The following ZNF518A variants were observed in gnomAD, a reference collection of about 807,000 sequenced individuals.
The protein encoded by ZNF518A is zinc finger protein 518.
In ZNF518A, 47 loss-of-function variants were observed where a neutral mutation model predicts 102.7. The ratio of observed to expected loss-of-function variants is 0.46; its 90% CI spans 0.36 to 0.58. ZNF518A has a LOEUF of 0.58. Among genes scored for constraint, ZNF518A ranks in the 20% least tolerant of loss-of-function variants. ZNF518A has a pLI of 0.00. For missense variants in ZNF518A, 1,793 were observed against 1,699.8 expected (o/e 1.05, Z -0.96); for synonymous variants, 652 against 594.6 (o/e 1.10, Z -1.40).
At chr10:96,181,163 A>T (rs1392115782) in intron 1 of ZNF518A, among the ~76,000 whole-genome samples, 1 of 152,164 alleles carries the variant, frequency 6.6e-6, no homozygotes, top group Non-Finnish European at 1.5e-5. Context: ...GTGTCTATTC[A>T]TGTCCTTCAC....
At chr10:96,133,355 TGAATCA>T (rs1397401321) in intron 2 of ZNF518A, among the ~76,000 whole-genome samples, 4 of 152,196 alleles carry the variant, frequency 2.6e-5, no homozygotes, top group Non-Finnish European at 5.9e-5. Context: ...ATCTTCATTA[TGAATCA>T]GGAAAGGGAC....
intron 1 of ZNF518A, chr10:96,189,723 A>ATCG (rs2083299529): frequency 1.4e-5 from 10 of 721,838 alleles, no homozygotes. Flanking sequence ...CATCATCATC[A>ATCG]TCATCATCAT....
Position 96,180,069 on chromosome 10 carries a change from A to C in ZNF518A, n.36-23505A>C, listed in dbSNP as rs914247697. On this transcript the variant is annotated intron_variant and non_coding_transcript_variant, in intron 1 of 2. Transcript: ENST00000442635. ...GATTTTTGGTATTTTTAGTAGAGAG[A>C]GGGTTTCACCCTGTTGGCCAGGTTG... is the stretch of plus-strand genomic sequence containing the variant. 1.7e-4 allele frequency among the ~76,000 whole-genome samples: 26 copies of C among 150,242 alleles called. 1 individual carries two copies. The highest frequency in any genetic ancestry group is 3.0e-5 in the Non-Finnish European group (2 of 67,670).
chr10:96,156,548 A>G lies in ZNF518A; in HGVS notation c.226A>G (p.Ser76Gly), dbSNP rs1300356655. 6.2e-7 allele frequency: 1 copy of G among 1,612,428 alleles called. No homozygotes were observed. Among genetic ancestry groups the G allele is most frequent in the Non-Finnish European group, 8.5e-7 (1 of 1,179,388 alleles). ...EVDKYRKLFQ[S>G]KQQTARKSIS... ...TGACAAATACAGAAAATTATTTCAG[A>G]GTAAACAGCAGACTGCAAGAAAATC... is the stretch of plus-strand genomic sequence containing the variant. The change falls in exon 6 of 6, where the codon AGT (serine) becomes GGT (glycine). Residue 76 changes from serine (S) to glycine (G), a missense_variant. By Grantham distance (56) the Ser-to-Gly change is moderately conservative (BLOSUM62 0). Transcript: ENST00000316045.
intron 1 of ZNF518A, among the ~76,000 whole-genome samples, chr10:96,180,404 G>A (rs1362367630): frequency 6.6e-6 from 1 of 151,394 alleles, no homozygotes; most frequent in Non-Finnish European, 1.5e-5. Context: ...GTGCAGGTTT[G>A]TTACATATGT....
downstream of ZNF518A, among the ~76,000 whole-genome samples, chr10:96,168,613 A>G (rs1210158190): frequency 6.6e-6 from 1 of 152,108 alleles, no homozygotes; most frequent in Non-Finnish European, 1.5e-5. Context: ...TTTGCTGGAT[A>G]TAGAATTTTT....
chr10:96,141,630 A>G (rs2081930632), intron 3 of ZNF518A, among the ~76,000 whole-genome samples: 1 of 152,228 alleles, frequency 6.6e-6, no homozygotes, highest in African/African-American at 2.4e-5. Flanking sequence ...GCATACCAGA[A>G]TGGTATGTGA....
At chr10:96,185,526 T>C (rs2083266763) in intron 1 of ZNF518A, among the ~76,000 whole-genome samples, 1 of 152,242 alleles carries the variant, frequency 6.6e-6, no homozygotes, top group Admixed American at 6.5e-5. Flanking sequence ...GCTGATGCTA[T>C]TCCTTTCTGT....
At position 96,159,372 on chromosome 10, in the gene ZNF518A, A is replaced by G. The variant is rs782566979; in HGVS notation, c.3050A>G (p.Glu1017Gly). 1 of 1,613,862 alleles carries G rather than the reference A, an allele frequency of 6.2e-7. No homozygotes were observed. Among genetic ancestry groups the G allele is most frequent in the Admixed American group, 1.7e-5 (1 of 59,988 alleles). ...EPCKTPILKVEPNNNCLTPGL... is the reference protein window; with the variant it reads ...EPCKTPILKVGPNNNCLTPGL... Reference sequence around the variant, plus strand: ...TGCAAAACACCTATTTTGAAGGTAGAACCAAACAATAATTGTCTTACACCT... The same window carrying G: ...TGCAAAACACCTATTTTGAAGGTAGGACCAAACAATAATTGTCTTACACCT... The change falls in exon 6 of 6, where the codon GAA becomes GGA. Residue 1017 changes from glutamate to glycine, a missense_variant. Coordinates refer to ENST00000316045, the MANE Select transcript of ZNF518A (RefSeq NM_001330736.2).
rs782748493 is a variant in ZNF518A at position 96,158,885 on chromosome 10, T to C, written c.2563T>C (p.Leu855=). Residue 855 remains leucine, a synonymous_variant, in exon 6 of 6, where the codon TTG becomes CTG. Coordinates refer to ENST00000316045, the MANE Select transcript of ZNF518A (RefSeq NM_001330736.2). ...GGGTATTAATGTGCCTACAAATGAT[T>C]TGAATTTGAAATTTGGAAAAGAAAA... ...SVGINVPTND[L]NLKFGKEKQV... is the part of the protein sequence containing the mutation. 1.9e-6 allele frequency: 3 copies of C among 1,613,674 alleles called. No individual in the cohort carries two copies. The South Asian group carries it at 3.3e-5, about 18-fold the overall frequency.
At chr10:96,139,285 G>T (rs1265505777) in intron 3 of ZNF518A, among the ~76,000 whole-genome samples, 2 of 152,088 alleles carry the variant, frequency 1.3e-5, no homozygotes, top group Non-Finnish European at 2.9e-5. Flanking sequence ...GTTGCTATAG[G>T]CTGAATGTTT....
At chr10:96,204,681 C>T, downstream of ZNF518A, 1 of 1,527,640 alleles carries the variant, frequency 6.5e-7, no homozygotes. Context: ...CAAAACCCAG[C>T]AACATCAGCT....
rs2082910326 is a variant in ZNF518A at position 96,159,804 on chromosome 10, C to T, written c.3482C>T (p.Ser1161Leu). 6.2e-7 allele frequency: 1 copy of T among 1,613,672 alleles called. No homozygotes were observed. Among genetic ancestry groups the T allele is most frequent in the Admixed American group, 1.7e-5 (1 of 60,012 alleles). The change falls in exon 6 of 6, where the codon TCA becomes TTA. Residue 1161 changes from serine (S) to leucine (L), a missense_variant. This residue lies in a region of ZNF518A where 1,741 missense variants were observed against 1,622.6 expected (regional missense o/e 1.07). Transcript: ENST00000316045. ...AATGTGACTGCTGCTAATAATCTGT[C>T]AGTAAGCAACTCTGCATCCTCATTG... is the stretch of plus-strand genomic sequence containing the variant. Reference protein sequence around the residue: ...VLNVTAANNLSVSNSASSLQK... With the variant: ...VLNVTAANNLLVSNSASSLQK...
intron 1 of ZNF518A, among the ~76,000 whole-genome samples, chr10:96,192,587 C>T (rs1011968922): frequency 6.6e-6 from 1 of 151,834 alleles, no homozygotes; most frequent in Non-Finnish European, 1.5e-5. Context: ...CTTTATAAAC[C>T]TTCATATTTC....
chr10:96,165,710 C>T (rs1344634581), downstream of ZNF518A, among the ~76,000 whole-genome samples: 1 of 152,100 alleles, frequency 6.6e-6, no homozygotes, highest in Admixed American at 6.5e-5. Context: ...TCCAGCTGTT[C>T]CATAGCATAA....
intron 1 of ZNF518A, among the ~76,000 whole-genome samples, chr10:96,185,329 C>T (rs1287100656): frequency 1.3e-5 from 2 of 152,138 alleles, no homozygotes; most frequent in East Asian, 3.9e-4. Context: ...ATTCTCCGTC[C>T]AGCTTTGTTC....
rs587662953 is a variant in ZNF518A at position 96,160,928 on chromosome 10, G to T, written c.*154G>T. Reference sequence around the variant, plus strand: ...GTATTTCTGTGGAAGAGTAAAAGTTGTATGTATGATATTTGAAAATGCTAT... The same window carrying T: ...GTATTTCTGTGGAAGAGTAAAAGTTTTATGTATGATATTTGAAAATGCTAT... On this transcript the variant is annotated 3_prime_UTR_variant, in exon 6 of 6. Transcript: ENST00000316045. 1.4e-5 allele frequency: 11 copies of T among 797,910 alleles called. No homozygotes were observed. The highest frequency in any genetic ancestry group is 3.6e-4 in the Middle Eastern group (1 of 2,814). 49.4% of individuals were successfully genotyped at this position (797,910 alleles called of 1,614,324 possible). A position where few individuals can be genotyped will look rare whatever the true frequency, so the allele number is the denominator to read the frequency against.
intron 3 of ZNF518A, among the ~76,000 whole-genome samples, chr10:96,141,432 G>A (rs587666574): frequency 1.3e-5 from 2 of 152,272 alleles, no homozygotes; most frequent in African/African-American, 2.4e-5. Flanking sequence ...CCTGGTGACC[G>A]AAAACTATAT....
chr10:96,140,004 A>G (rs926032197), intron 3 of ZNF518A, among the ~76,000 whole-genome samples: 17 of 151,968 alleles, frequency 1.1e-4, no homozygotes, highest in African/African-American at 3.9e-4. Context: ...GATTACAGGC[A>G]TGCACCACCA....
Sources: allele counts gnomAD v4.1 joint callset (sites outside exome capture counted in the v4.1 genomes callset), GRCh38; gene constraint gnomAD v4.1.1; regional missense constraint gnomAD v4.1.1; transcripts MANE v1.5; gene names NCBI Gene and HGNC (gene_info 2026-07-23, HGNC 2026-07-21).